The following TMIGD3 variants were observed in gnomAD, a reference collection of about 807,000 sequenced individuals.
TMIGD3 encodes transmembrane and immunoglobulin domain containing 3.
In TMIGD3, 21 loss-of-function variants were observed where a neutral mutation model predicts 28.1. That is an observed-to-expected ratio of 0.75 (90% CI 0.53 to 1.08). TMIGD3 has a LOEUF of 1.08. TMIGD3 is among the 50% of genes least tolerant of loss of function. The pLI, the probability that TMIGD3 is intolerant of heterozygous loss-of-function variation, is 0.00. For missense variants in TMIGD3, 416 were observed against 435.6 expected, an observed-to-expected ratio of 0.96 and a Z score of 0.40; for synonymous variants, 151 against 162.1, an observed-to-expected ratio of 0.93 and a Z score of 0.52.
Position 111,490,689 on chromosome 1 carries a change from GC to G in TMIGD3, c.423del (p.Trp141CysfsTer71), listed in dbSNP as rs1355644954. ...QLKVCFLPVM[W>X]LFILLSLALI... ...AGAGCCAAGGAGAGTAGAATGAAGA[GC>G]CACATGACTGGAAGGAAGCAAACTT... On this transcript the variant is annotated frameshift_variant, in exon 2 of 6. Coordinates refer to ENST00000369716, the MANE Select transcript of TMIGD3 (RefSeq NM_020683.7). LOFTEE classifies it high-confidence loss of function. 6.2e-7 allele frequency: 1 copy of G among 1,613,838 alleles called. No individual in the cohort carries two copies. The highest frequency in any genetic ancestry group is 1.3e-5 in the African/African-American group (1 of 74,894).
At chr1:111,538,812 C>T (rs754187697) in intron 1 of TMIGD3, among the ~76,000 whole-genome samples, 1 of 152,164 alleles carries the variant, frequency 6.6e-6, no homozygotes, top group Non-Finnish European at 1.5e-5. Context: ...TGGGTTTTTG[C>T]CCAGTGGCCT....
chr1:111,562,106 T>C (rs1295913870), intron 1 of TMIGD3, among the ~76,000 whole-genome samples: 1 of 152,218 alleles, frequency 6.6e-6, no homozygotes, highest in East Asian at 1.9e-4. Context: ...TCCAGGTCTT[T>C]GCTTGTGCCA....
At chr1:111,497,125 T>C (rs1654914944) in intron 1 of TMIGD3, among the ~76,000 whole-genome samples, 1 of 152,124 alleles carries the variant, frequency 6.6e-6, no homozygotes, top group South Asian at 2.1e-4. Flanking sequence ...TCTTTTTTGT[T>C]TTTGAGACGG....
At chr1:111,500,859 C>G in intron 1 of TMIGD3, 1 of 483,368 alleles carries the variant, frequency 2.1e-6, no homozygotes, top group Non-Finnish European at 3.6e-6. Context: ...CAAGTGCTTA[C>G]GTGCTCCACT....
At chr1:111,542,243 TG>T in intron 1 of TMIGD3, 1 of 608,248 alleles carries the variant, frequency 1.6e-6, no homozygotes, top group Non-Finnish European at 3.1e-6. Flanking sequence ...ACGGAAACAC[TG>T]GCGGCACATA....
chr1:111,511,938 C>T (rs1317219662), intron 1 of TMIGD3, among the ~76,000 whole-genome samples: 3 of 152,164 alleles, frequency 2.0e-5, no homozygotes, highest in African/African-American at 7.2e-5. Flanking sequence ...GTTTTTAGGA[C>T]ACAACACATT....
intron 1 of TMIGD3, among the ~76,000 whole-genome samples, chr1:111,538,340 C>G (rs955226887): frequency 6.6e-6 from 1 of 152,142 alleles, no homozygotes; most frequent in African/African-American, 2.4e-5. Context: ...TCACTCACTC[C>G]CCTCCATGTG....
chr1:111,488,696 A>T lies in TMIGD3; in HGVS notation c.786T>A (p.Asn262Lys), dbSNP rs1207498942. The change falls in exon 3 of 6, where the codon AAT becomes AAA. Residue 262 changes from asparagine (N) to lysine (K), a missense_variant. Transcript: ENST00000369716. ...IVTDDKGTLA[N>K]DFWSGKDLSG... ...CCTTACCTTTCCCAGACCAAAAGTCATTGGCCAGGGTTCCTTTGTCGTCAG... is the reference window on the plus strand; with the variant it reads ...CCTTACCTTTCCCAGACCAAAAGTCTTTGGCCAGGGTTCCTTTGTCGTCAG... 6.2e-7 allele frequency: 1 copy of T among 1,613,608 alleles called. No individual in the cohort carries two copies. Among genetic ancestry groups the T allele is most frequent in the Non-Finnish European group, 8.5e-7 (1 of 1,179,664 alleles).
chr1:111,542,774 G>T (rs953504140), intron 1 of TMIGD3, among the ~76,000 whole-genome samples: 2 of 151,916 alleles, frequency 1.3e-5, no homozygotes, highest in Non-Finnish European at 2.9e-5. Flanking sequence ...TTGGCTCACT[G>T]AAACCTCCGC....
upstream of TMIGD3, chr1:111,504,122 C>A (rs570942584): frequency 1.5e-5 from 15 of 985,390 alleles, 1 homozygote; most frequent in South Asian, 6.6e-4. Flanking sequence ...CAGCAAAGAT[C>A]CTTGGTCAAA....
intron 1 of TMIGD3, among the ~76,000 whole-genome samples, chr1:111,498,238 C>A (rs1343146756): frequency 6.6e-6 from 1 of 152,214 alleles, no homozygotes; most frequent in Non-Finnish European, 1.5e-5. Context: ...GATACGCTTA[C>A]CCACTTTGAT....
At chr1:111,551,324 C>T (rs182387945) in intron 1 of TMIGD3, among the ~76,000 whole-genome samples, 232 of 152,216 alleles carry the variant, frequency 1.5e-3, no homozygotes, top group Admixed American at 2.2e-3. Flanking sequence ...TCAGTTCCTC[C>T]GTTACTAGTT....
intron 1 of TMIGD3, among the ~76,000 whole-genome samples, chr1:111,540,531 T>C (rs1463685863): frequency 6.6e-6 from 1 of 152,228 alleles, no homozygotes; most frequent in Non-Finnish European, 1.5e-5. Context: ...ACAGGATCCA[T>C]CCATCTTTCT....
upstream of TMIGD3, among the ~76,000 whole-genome samples, chr1:111,508,395 G>C (rs935560223): frequency 2.7e-4 from 41 of 152,240 alleles, 1 homozygote; most frequent in African/African-American, 9.7e-4. Flanking sequence ...GGCCACCAGA[G>C]GGAAGCACGT....
chr1:111,507,542 A>G (rs879468151), upstream of TMIGD3, among the ~76,000 whole-genome samples: 1 of 152,142 alleles, frequency 6.6e-6, no homozygotes, highest in African/African-American at 2.4e-5. Flanking sequence ...TTCTCAGAAA[A>G]CCCTAAAAAA....
At chr1:111,508,887 G>A (rs910582675) in intron 1 of TMIGD3, among the ~76,000 whole-genome samples, 6 of 152,194 alleles carry the variant, frequency 3.9e-5, no homozygotes, top group African/African-American at 1.4e-4. Context: ...ACGAGGTCAG[G>A]CGTTCTAGAC....
At chr1:111,517,089 G>A (rs1433675271) in intron 1 of TMIGD3, among the ~76,000 whole-genome samples, 1 of 152,154 alleles carries the variant, frequency 6.6e-6, no homozygotes, top group African/African-American at 2.4e-5. Context: ...CCAAGTGCAG[G>A]AGTGCAAGCT....
intron 1 of TMIGD3, among the ~76,000 whole-genome samples, chr1:111,518,572 A>G (rs951079054): frequency 2.6e-5 from 4 of 152,254 alleles, no homozygotes; most frequent in African/African-American, 9.6e-5. Flanking sequence ...GATCTAAACG[A>G]GAAGCCTAAA....
chr1:111,534,184 A>G (rs1353906863), intron 1 of TMIGD3, among the ~76,000 whole-genome samples: 1 of 152,210 alleles, frequency 6.6e-6, no homozygotes, highest in East Asian at 1.9e-4. Flanking sequence ...CTACAAACTT[A>G]TATCACCTAA....
Sources: gnomAD v4.1 joint callset for allele counts (sites outside exome capture counted in the v4.1 genomes callset) on GRCh38, gnomAD v4.1.1 for gene constraint, MANE v1.5 for transcripts, NCBI Gene and HGNC (gene_info 2026-07-23, HGNC 2026-07-21) for gene names.